The following CTNNA2 variants were observed in gnomAD, a reference collection of about 807,000 sequenced individuals.
CTNNA2 encodes catenin alpha 2.
Under a neutral mutation model 101.0 loss-of-function variants are expected in CTNNA2, and 42 were observed. The ratio of observed to expected loss-of-function variants is 0.42; its 90% CI spans 0.32 to 0.54. CTNNA2 has a LOEUF of 0.54. Among genes scored for constraint, CTNNA2 ranks in the 20% least tolerant of loss-of-function variants. CTNNA2 has a pLI of 0.14. For missense variants in CTNNA2, 871 were observed against 1,223.1 expected, an observed-to-expected ratio of 0.71 and a Z score of 4.29; for synonymous variants, 450 against 456.4, an observed-to-expected ratio of 0.99 and a Z score of 0.18.
intron 2 of CTNNA2, among the ~76,000 whole-genome samples, chr2:79,287,427 G>T (rs1054323705): frequency 2.0e-5 from 3 of 152,112 alleles, no homozygotes; most frequent in African/African-American, 7.2e-5. Context: ...GTACAGATGG[G>T]TTTTTGGTGT....
intron 12 of CTNNA2, among the ~76,000 whole-genome samples, chr2:80,561,364 T>G (rs1457125766): frequency 6.6e-6 from 1 of 152,214 alleles, no homozygotes; most frequent in Non-Finnish European, 1.5e-5. Context: ...AATGTCTTTT[T>G]TATATGACTA....
At chr2:79,376,034 C>A (rs1036861280) in intron 4 of CTNNA2, among the ~76,000 whole-genome samples, 1 of 152,064 alleles carries the variant, frequency 6.6e-6, no homozygotes, top group Non-Finnish European at 1.5e-5. Context: ...TGAAAGCATG[C>A]CCAGAGAGCA....
At chr2:79,743,359 T>C (rs1671427299) in intron 2 of CTNNA2, among the ~76,000 whole-genome samples, 1 of 152,076 alleles carries the variant, frequency 6.6e-6, no homozygotes, top group Non-Finnish European at 1.5e-5. Context: ...CCTCTAGATA[T>C]AGTGTTAAAA....
chr2:79,287,864 G>A (rs1482683188), intron 2 of CTNNA2, among the ~76,000 whole-genome samples: 3 of 152,348 alleles, frequency 2.0e-5, no homozygotes, highest in East Asian at 1.9e-4. Flanking sequence ...CCACCTTGCA[G>A]TTTGATCTCA....
intron 12 of CTNNA2, among the ~76,000 whole-genome samples, chr2:80,572,378 A>C (rs1222283579): frequency 6.6e-6 from 1 of 152,110 alleles, no homozygotes; most frequent in South Asian, 2.1e-4. Context: ...TTTTATATAC[A>C]TGTAGGAGTA....
chr2:79,933,854 G>T (rs763684192), intron 7 of CTNNA2, among the ~76,000 whole-genome samples: 1 of 152,158 alleles, frequency 6.6e-6, no homozygotes, highest in Non-Finnish European at 1.5e-5. Flanking sequence ...GCTTTGTGTG[G>T]TTTTAGTTTT....
chr2:79,942,305 A>T (rs1688213625), intron 7 of CTNNA2, among the ~76,000 whole-genome samples: 1 of 152,202 alleles, frequency 6.6e-6, no homozygotes, highest in African/African-American at 2.4e-5. Flanking sequence ...GCTCAAAGCC[A>T]CACATCTGGT....
At chr2:80,169,605 A>C (rs889909500) in intron 7 of CTNNA2, among the ~76,000 whole-genome samples, 1 of 152,050 alleles carries the variant, frequency 6.6e-6, no homozygotes, top group Non-Finnish European at 1.5e-5. Flanking sequence ...CTGTGGCCTA[A>C]ACTCTGTGGG....
At position 80,619,082 on chromosome 2, in the gene CTNNA2, C is replaced by G. The variant is rs1161255918; in HGVS notation, c.2431-3C>G. 4.8e-6 allele frequency: 7 copies of G among 1,466,946 alleles called. No homozygotes were observed. Among genetic ancestry groups the G allele is most frequent in the Non-Finnish European group, 5.4e-6 (6 of 1,102,984 alleles). 90.9% of individuals were successfully genotyped at this position (1,466,946 alleles called of 1,614,324 possible). A position where few individuals can be genotyped will look rare whatever the true frequency, so the allele number is the denominator to read the frequency against. On this transcript the variant is annotated splice_polypyrimidine_tract_variant and splice_region_variant and intron_variant, in intron 17 of 18. Transcript: ENST00000402739. ...TCTCTTTTCTGTATCTCTCGGAAATCAGACAGGAGTTCAGAGCACTTTCAC... is the reference window on the plus strand; with the variant it reads ...TCTCTTTTCTGTATCTCTCGGAAATGAGACAGGAGTTCAGAGCACTTTCAC...
chr2:80,345,864 A>G (rs568216567), intron 7 of CTNNA2, among the ~76,000 whole-genome samples: 112 of 152,288 alleles, frequency 7.4e-4, no homozygotes, highest in South Asian at 3.7e-3. Context: ...CTCCTGTTTA[A>G]TCATACGTGG....
intron 2 of CTNNA2, among the ~76,000 whole-genome samples, chr2:79,249,270 T>C (rs139099859): frequency 5.9e-5 from 9 of 152,220 alleles, no homozygotes; most frequent in African/African-American, 2.2e-4. Context: ...GTTTCATTCT[T>C]CTATTCTTAA....
At chr2:80,225,551 A>G (rs1708838584) in intron 7 of CTNNA2, among the ~76,000 whole-genome samples, 1 of 152,222 alleles carries the variant, frequency 6.6e-6, no homozygotes, top group African/African-American at 2.4e-5. Flanking sequence ...TAGAGCAGCA[A>G]TTCCCTATTT....
At chr2:80,024,367 A>T (rs1168592168) in intron 7 of CTNNA2, among the ~76,000 whole-genome samples, 1 of 152,196 alleles carries the variant, frequency 6.6e-6, no homozygotes, top group East Asian at 1.9e-4. Context: ...GAACAGGCTT[A>T]TTGGGAAAGA....
chr2:79,824,303 G>A (rs1346674256), intron 3 of CTNNA2, among the ~76,000 whole-genome samples: 2 of 151,936 alleles, frequency 1.3e-5, no homozygotes, highest in Admixed American at 6.6e-5. Context: ...TTATTTTGTG[G>A]TTATCATGCC....
chr2:79,427,985 C>A (rs1414047944), intron 4 of CTNNA2, among the ~76,000 whole-genome samples: 3 of 152,078 alleles, frequency 2.0e-5, no homozygotes, highest in Non-Finnish European at 4.4e-5. Context: ...TCTTAAATTC[C>A]ATCAGCCTCA....
At chr2:79,889,701 C>T (rs761709423) in intron 6 of CTNNA2, among the ~76,000 whole-genome samples, 1 of 152,188 alleles carries the variant, frequency 6.6e-6, no homozygotes, top group Non-Finnish European at 1.5e-5. Context: ...TTCTTCTTCT[C>T]CTACCCATCT....
At chr2:79,696,245 T>C (rs912140795) in intron 2 of CTNNA2, among the ~76,000 whole-genome samples, 2 of 152,102 alleles carry the variant, frequency 1.3e-5, no homozygotes, top group African/African-American at 4.8e-5. Context: ...ATTTGCTGTA[T>C]AAAACATAAG....
intron 9 of CTNNA2, among the ~76,000 whole-genome samples, chr2:80,448,769 C>A (rs916364066): frequency 6.6e-6 from 1 of 152,000 alleles, no homozygotes; most frequent in Non-Finnish European, 1.5e-5. Flanking sequence ...ATCCCAGGAG[C>A]CTGTATGTTA....
chr2:80,030,380 G>A (rs1282792493), intron 7 of CTNNA2: 2 of 152,098 alleles, frequency 1.3e-5, no homozygotes, highest in Non-Finnish European at 2.9e-5. Flanking sequence ...CATCAGCAAA[G>A]GAGAACTCAA....
Sources: gnomAD v4.1 joint callset for allele counts (sites outside exome capture counted in the v4.1 genomes callset) on GRCh38, gnomAD v4.1.1 for gene constraint, MANE v1.5 for transcripts, NCBI Gene and HGNC (gene_info 2026-07-23, HGNC 2026-07-21) for gene names.